ZMYM4: variants seen among roughly 807,000 people sequenced by gnomAD.
ZMYM4 encodes zinc finger MYM-type containing 4, also known as zinc finger MYM-type protein 4.
Under a neutral mutation model 183.2 loss-of-function variants are expected in ZMYM4, and 31 were observed. The ratio of observed to expected loss-of-function variants is 0.17; its 90% CI spans 0.13 to 0.23. The LOEUF is 0.23. Among genes scored for constraint, ZMYM4 ranks in the 10% least tolerant of loss-of-function variants. ZMYM4 has a pLI of 1.00. For synonymous variants in ZMYM4, 592 were observed against 631.2 expected, an observed-to-expected ratio of 0.94 and a Z score of 0.93; for missense variants, 1,273 against 1,840.3, an observed-to-expected ratio of 0.69 and a Z score of 5.64.
intron 1 of ZMYM4, among the ~76,000 whole-genome samples, chr1:35,294,636 A>G (rs910309870): frequency 3.3e-5 from 5 of 152,208 alleles, no homozygotes; most frequent in African/African-American, 1.2e-4. Context: ...TCTACTGGCC[A>G]TTTTGGGGAA....
intron 1 of ZMYM4, among the ~76,000 whole-genome samples, chr1:35,304,081 A>G (rs987108093): frequency 7.3e-5 from 11 of 151,592 alleles, no homozygotes; most frequent in African/African-American, 2.4e-4. Context: ...CTGGAGTGCA[A>G]TGCCATGATC....
At chr1:35,337,327 A>C (rs368055147) in intron 2 of ZMYM4, among the ~76,000 whole-genome samples, 2 of 152,208 alleles carry the variant, frequency 1.3e-5, no homozygotes, top group East Asian at 1.9e-4. Flanking sequence ...GCACCACTGC[A>C]TTCTAGCCTG....
chr1:35,272,652 C>G (rs1344714626), intron 1 of ZMYM4, among the ~76,000 whole-genome samples: 1 of 152,156 alleles, frequency 6.6e-6, no homozygotes, highest in Non-Finnish European at 1.5e-5. Flanking sequence ...CCTATGGATC[C>G]AGATTTAGGG....
intron 1 of ZMYM4, among the ~76,000 whole-genome samples, chr1:35,297,125 C>A (rs1373731176): frequency 6.6e-6 from 1 of 152,006 alleles, no homozygotes; most frequent in African/African-American, 2.4e-5. Context: ...GCTGGGATTA[C>A]AAGCGTGAGG....
chr1:35,297,916 AT>A (rs1474119932), intron 1 of ZMYM4, among the ~76,000 whole-genome samples: 2 of 152,248 alleles, frequency 1.3e-5, no homozygotes, highest in Non-Finnish European at 2.9e-5. Flanking sequence ...CCACACAGTA[AT>A]TTGAATATGG....
chr1:35,325,819 TAGAA>T (rs1224489910), intron 2 of ZMYM4, among the ~76,000 whole-genome samples: 2 of 152,178 alleles, frequency 1.3e-5, no homozygotes, highest in Admixed American at 1.3e-4. Flanking sequence ...ATGAATAAAA[TAGAA>T]AGTAAAAGTC....
Position 35,386,210 on chromosome 1 carries a change from C to T in ZMYM4, c.1836+21C>T, listed in dbSNP as rs1395035223. 3.2e-6 allele frequency: 5 copies of T among 1,575,894 alleles called. 1 individual carries two copies. The highest frequency in any genetic ancestry group is 1.7e-4 in the Middle Eastern group (1 of 6,022). On this transcript the variant is annotated intron_variant, in intron 11 of 29. Coordinates refer to ENST00000314607, the MANE Select transcript of ZMYM4 (RefSeq NM_005095.3). ...TCCAGGTATGGCTTCAGGAACCTTC[C>T]TCTTCTTCAGTCAGTGAGTCACCTA...
chr1:35,361,188 C>A lies in ZMYM4; in HGVS notation c.608-6C>A. 7.0e-6 allele frequency: 11 copies of A among 1,569,034 alleles called. No individual in the cohort carries two copies. The highest frequency in any genetic ancestry group is 9.5e-6 in the Non-Finnish European group (11 of 1,162,254). ...TGTTTGTTTGTTTTTTTTTTCCTTT[C>A]AATAGCTAATCAAGTTGAAGAAACA... On this transcript the variant is annotated splice_region_variant and splice_polypyrimidine_tract_variant and intron_variant, in intron 3 of 29. Coordinates refer to ENST00000314607, the MANE Select transcript of ZMYM4 (RefSeq NM_005095.3).
At chr1:35,294,600 T>C (rs960799803) in intron 1 of ZMYM4, among the ~76,000 whole-genome samples, 2 of 152,272 alleles carry the variant, frequency 1.3e-5, no homozygotes, top group Middle Eastern at 3.4e-3. Flanking sequence ...AACAGTAGAG[T>C]ATATAGATCA....
chr1:35,289,225 T>C (rs1226522325), intron 1 of ZMYM4, among the ~76,000 whole-genome samples: 1 of 152,186 alleles, frequency 6.6e-6, no homozygotes, highest in Non-Finnish European at 1.5e-5. Context: ...AAAAGATTCT[T>C]TTGGCTCCTG....
chr1:35,380,313 A>G (rs534458628), intron 7 of ZMYM4, among the ~76,000 whole-genome samples: 1 of 149,556 alleles, frequency 6.7e-6, no homozygotes, highest in Non-Finnish European at 1.5e-5. Flanking sequence ...TTATTTATTT[A>G]TTTTATTTAT....
At chr1:35,360,603 C>T (rs981706989) in intron 3 of ZMYM4, among the ~76,000 whole-genome samples, 2 of 151,932 alleles carry the variant, frequency 1.3e-5, no homozygotes, top group Non-Finnish European at 1.5e-5. Context: ...AACATAATGT[C>T]TAGTAGTAGA....
chr1:35,312,924 C>T (rs373596225), intron 1 of ZMYM4, among the ~76,000 whole-genome samples: 26 of 152,270 alleles, frequency 1.7e-4, no homozygotes, highest in African/African-American at 4.6e-4. Context: ...GACGGAGTCT[C>T]GCTCTGTCAC....
intron 2 of ZMYM4, among the ~76,000 whole-genome samples, chr1:35,332,891 T>C (rs1317324146): frequency 6.6e-6 from 1 of 152,100 alleles, no homozygotes; most frequent in Non-Finnish European, 1.5e-5. Flanking sequence ...GAAATGGGTC[T>C]TGGCTATGTT....
intron 1 of ZMYM4, among the ~76,000 whole-genome samples, chr1:35,275,533 G>T (rs979944298): frequency 2.6e-5 from 4 of 152,024 alleles, no homozygotes; most frequent in African/African-American, 7.2e-5. Flanking sequence ...TGCCAGAAAG[G>T]TTTTCTTACT....
intron 2 of ZMYM4, among the ~76,000 whole-genome samples, chr1:35,334,895 T>C (rs141611064): frequency 1.3e-5 from 2 of 152,338 alleles, no homozygotes; most frequent in Non-Finnish European, 2.9e-5. Flanking sequence ...TTCAGTCTTG[T>C]TTAAGAAAGT....
chr1:35,375,943 C>T (rs1644325161), intron 7 of ZMYM4, among the ~76,000 whole-genome samples: 1 of 151,958 alleles, frequency 6.6e-6, no homozygotes. Flanking sequence ...AACTGTGGTG[C>T]CACATGCCTG....
chr1:35,382,064 G>C (rs974661106), intron 9 of ZMYM4, among the ~76,000 whole-genome samples: 1 of 151,096 alleles, frequency 6.6e-6, no homozygotes. Flanking sequence ...AGAATTGCTT[G>C]AACTCGGGAG....
In ZMYM4 at chr1:35,370,098, A is replaced by G. The variant is rs774097829; in HGVS notation, c.910A>G (p.Ser304Gly). The change falls in exon 6 of 30, where the codon AGT becomes GGT. Residue 304 changes from serine (S) to glycine (G), a missense_variant. This residue lies in a region of ZMYM4 where 384 missense variants were observed against 465.6 expected (regional missense o/e 0.82). Coordinates refer to ENST00000314607, the MANE Select transcript of ZMYM4 (RefSeq NM_005095.3). The part of the protein sequence containing the change: ...ELKISAVFSV[S>G]GSPLAPQLTT... ...GAAAATTAGTGCTGTGTTTTCAGTCAGTGGCAGCCCTCTTGGTAAGAAACA... is the reference window on the plus strand; with the variant it reads ...GAAAATTAGTGCTGTGTTTTCAGTCGGTGGCAGCCCTCTTGGTAAGAAACA... 2 of 1,613,408 alleles carry G rather than the reference A, an allele frequency of 1.2e-6. No individual in the cohort carries two copies. The highest frequency in any genetic ancestry group is 1.1e-5 in the South Asian group (1 of 91,020).
Sources: gnomAD v4.1 joint callset for allele counts (sites outside exome capture counted in the v4.1 genomes callset) on GRCh38, gnomAD v4.1.1 for gene constraint, gnomAD v4.1.1 regional missense constraint, MANE v1.5 for transcripts, NCBI Gene and HGNC (gene_info 2026-07-23, HGNC 2026-07-21) for gene names.